Variants in ATP2C2 observed in about 807,000 individuals in gnomAD.
The protein encoded by ATP2C2 is ATPase secretory pathway Ca2+ transporting 2.
ATP2C2 carries 171 observed loss-of-function variants against 110.8 expected under a neutral mutation model. That is an observed-to-expected ratio of 1.54 (90% CI 1.36 to 1.75). ATP2C2 has a LOEUF of 1.75. Ranked by LOEUF, ATP2C2 falls within the 40% of genes most tolerant of loss-of-function variation. The probability of loss-of-function intolerance (pLI) is 0.00; values close to 1 mark genes in which losing one functional copy is unlikely to be tolerated. For synonymous variants in ATP2C2, 804 were observed against 508.4 expected (o/e 1.58, Z -7.82); for missense variants, 1,963 against 1,235.0 (o/e 1.59, Z -8.84).
At chr16:84,460,277 T>C (rs1911158311) in intron 23 of ATP2C2, 1 of 302,770 alleles carries the variant, frequency 3.3e-6, no homozygotes, top group Non-Finnish European at 6.4e-6. Context: ...GGCTGGAGGC[T>C]GGTCTCTCTC....
chr16:84,386,620 G>A (rs9925382), intron 1 of ATP2C2, among the ~76,000 whole-genome samples: 42,616 of 151,986 alleles, frequency 0.28, 6,353 homozygotes, highest in African/African-American at 0.38. Flanking sequence ...CTCCCACTGC[G>A]TATGCACACA....
chr16:84,394,412 C>T (rs1904850282), intron 1 of ATP2C2, among the ~76,000 whole-genome samples: 1 of 152,062 alleles, frequency 6.6e-6, no homozygotes, highest in South Asian at 2.1e-4. Flanking sequence ...ATTTGCCTGT[C>T]CCGGGCCTTT....
chr16:84,419,042 C>A (rs12917873), intron 7 of ATP2C2, among the ~76,000 whole-genome samples: 3 of 151,672 alleles, frequency 2.0e-5, no homozygotes, highest in Admixed American at 1.3e-4. Flanking sequence ...AACCCTGTCT[C>A]TACTAAAAAT....
chr16:84,416,442 C>T (rs1906841513), intron 7 of ATP2C2, among the ~76,000 whole-genome samples: 1 of 152,158 alleles, frequency 6.6e-6, no homozygotes, highest in South Asian at 2.1e-4. Context: ...GGGATGCATT[C>T]TCAGGAACTG....
chr16:84,388,399 C>T (rs1001394894), intron 1 of ATP2C2, among the ~76,000 whole-genome samples: 18 of 152,338 alleles, frequency 1.2e-4, no homozygotes, highest in African/African-American at 4.3e-4. Flanking sequence ...CTTGCTGGAA[C>T]ACAGACTGTC....
chr16:84,414,053 T>C (rs1402404439), intron 6 of ATP2C2, among the ~76,000 whole-genome samples: 1 of 151,940 alleles, frequency 6.6e-6, no homozygotes, highest in Non-Finnish European at 1.5e-5. Context: ...TGAGATGTAA[T>C]AGTGACTGGT....
intron 11 of ATP2C2, among the ~76,000 whole-genome samples, chr16:84,432,631 C>A (rs973819674): frequency 1.2e-4 from 18 of 152,094 alleles, no homozygotes; most frequent in Non-Finnish European, 2.6e-4. Flanking sequence ...AACTATTCTC[C>A]TGCCTCAGCC....
At chr16:84,434,403 A>G (rs1227345105) in intron 11 of ATP2C2, among the ~76,000 whole-genome samples, 1 of 151,964 alleles carries the variant, frequency 6.6e-6, no homozygotes, top group African/African-American at 2.4e-5. Context: ...TGACAGAGCA[A>G]GACTCCATCT....
In ATP2C2 at chr16:84,459,380, C is replaced by T. The variant is rs777201076; in HGVS notation, c.2327C>T (p.Ala776Val). Residue 776 changes from alanine (A) to valine (V), a missense_variant, in exon 23 of 27, where the codon GCG becomes GTG. Physicochemically the swap from Ala to Val is moderately conservative, Grantham distance 64. Transcript: ENST00000262429. ...WINIIMDGPP[A>V]QSLGVEPVDK... ...AACATCATCATGGATGGGCCACCGGCGCAGAGGTGAGGCAGGGCCGGCTGG... is the reference window on the plus strand; with the variant it reads ...AACATCATCATGGATGGGCCACCGGTGCAGAGGTGAGGCAGGGCCGGCTGG... 55 of 1,613,854 alleles carry T rather than the reference C, an allele frequency of 3.4e-5. 1 individual carries two copies. The highest frequency in any genetic ancestry group is 5.5e-5 in the South Asian group (5 of 91,084).
At chr16:84,425,686 A>C (rs755564317) in intron 10 of ATP2C2, 49 bp from the exon 11 acceptor site, 2 of 1,582,588 alleles carry the variant, frequency 1.3e-6, no homozygotes, top group Non-Finnish European at 1.7e-6. Flanking sequence ...TCCAGGCATC[A>C]GCGTGTGTAG....
chr16:84,441,616 T>A (rs926993267), intron 14 of ATP2C2, among the ~76,000 whole-genome samples: 1 of 152,098 alleles, frequency 6.6e-6, no homozygotes, highest in Admixed American at 6.6e-5. Flanking sequence ...GTCTTGGTTT[T>A]GCAGATTAAA....
chr16:84,441,326 C>G (rs940902424), intron 14 of ATP2C2, among the ~76,000 whole-genome samples: 2 of 152,190 alleles, frequency 1.3e-5, no homozygotes, highest in South Asian at 2.1e-4. Flanking sequence ...GTACTCATCA[C>G]TGCCCACTGG....
chr16:84,459,393 C>T lies in ATP2C2; in HGVS notation c.2333+7C>T, dbSNP rs367695380. 72 of 1,613,232 alleles carry T rather than the reference C, an allele frequency of 4.5e-5. No homozygotes were observed. Among genetic ancestry groups the T allele is most frequent in the South Asian group, 1.8e-4 (16 of 91,074 alleles). ...ATGGGCCACCGGCGCAGAGGTGAGG[C>T]AGGGCCGGCTGGGAGCCCTGTGTCT... is the stretch of plus-strand genomic sequence containing the variant. On this transcript the variant is annotated splice_region_variant and intron_variant, in intron 23 of 26. Transcript: ENST00000262429.
In ATP2C2 at chr16:84,463,848, A is replaced by G; in HGVS notation, c.*116A>G. 1 of 942,412 alleles carries G rather than the reference A, an allele frequency of 1.1e-6. No homozygotes were observed. Among genetic ancestry groups the G allele is most frequent in the South Asian group, 1.5e-5 (1 of 65,966 alleles). 58.4% of individuals were successfully genotyped at this position (942,412 alleles called of 1,614,324 possible). ...GGAGGCCGCAGCCTTCCATCACCGGATCAGTTTTTCCTCTTAGGAAAGCTG... is the reference window on the plus strand; with the variant it reads ...GGAGGCCGCAGCCTTCCATCACCGGGTCAGTTTTTCCTCTTAGGAAAGCTG... On this transcript the variant is annotated 3_prime_UTR_variant, in exon 27 of 27. Coordinates refer to ENST00000262429, the MANE Select transcript of ATP2C2 (RefSeq NM_014861.4).
intron 15 of ATP2C2, among the ~76,000 whole-genome samples, chr16:84,445,469 A>G (rs1468684165): frequency 2.6e-5 from 4 of 152,014 alleles, no homozygotes; most frequent in Non-Finnish European, 4.4e-5. Context: ...CGGCTGCCCA[A>G]AGTCCTGGGA....
intron 10 of ATP2C2, among the ~76,000 whole-genome samples, chr16:84,423,572 A>G (rs1907547547): frequency 6.6e-6 from 1 of 152,196 alleles, no homozygotes; most frequent in East Asian, 1.9e-4. Context: ...GCCTACAAAC[A>G]GTGACTTGGG....
chr16:84,381,445 C>T (rs964202909), intron 1 of ATP2C2, among the ~76,000 whole-genome samples: 1 of 152,052 alleles, frequency 6.6e-6, no homozygotes, highest in Non-Finnish European at 1.5e-5. Context: ...CTTGTGGTGA[C>T]ATGAGCCTGT....
chr16:84,394,826 T>A (rs1012928785), intron 1 of ATP2C2, among the ~76,000 whole-genome samples: 5 of 152,176 alleles, frequency 3.3e-5, no homozygotes, highest in South Asian at 2.1e-4. Context: ...TTCTCCTTTT[T>A]GCAAGAACAT....
chr16:84,438,628 A>AC (rs937187930), intron 11 of ATP2C2, among the ~76,000 whole-genome samples: 7 of 152,138 alleles, frequency 4.6e-5, no homozygotes, highest in African/African-American at 1.7e-4. Flanking sequence ...GTGAGCAGAC[A>AC]CCCCGAAACA....
Sources: allele counts gnomAD v4.1 joint callset (sites outside exome capture counted in the v4.1 genomes callset), GRCh38; gene constraint gnomAD v4.1.1; transcripts MANE v1.5; gene names NCBI Gene and HGNC (gene_info 2026-07-23, HGNC 2026-07-21).